NUP93: variants seen among roughly 807,000 people sequenced by gnomAD.
The protein encoded by NUP93 is nuclear pore complex protein Nup93.
Under a neutral mutation model 107.8 loss-of-function variants are expected in NUP93, and 55 were observed. That is an observed-to-expected ratio of 0.51 (90% confidence interval 0.41 to 0.64). The LOEUF (loss-of-function observed/expected upper bound fraction) is 0.64. Among genes scored for constraint, NUP93 ranks in the 30% least tolerant of loss-of-function variants. The pLI is 0.00. For missense variants in NUP93, 937 were observed against 1,044.7 expected, an observed-to-expected ratio of 0.90 and a Z score of 1.42; for synonymous variants, 390 against 397.5, an observed-to-expected ratio of 0.98 and a Z score of 0.22.
At chr16:56,815,881 C>CTGCTGCTGCTGCTGCTGCTGCTGG (rs1567402569) in intron 5 of NUP93, among the ~76,000 whole-genome samples, 24 of 103,994 alleles carry the variant, frequency 2.3e-4, no homozygotes, top group South Asian at 2.2e-3. Flanking sequence ...GCTGCTGCTG[C>CTGCTGCTGCTGCTGCTGCTGCTGG]TGCTGCTGCT....
intron 1 of NUP93, among the ~76,000 whole-genome samples, chr16:56,731,539 C>T (rs745620782): frequency 3.3e-5 from 5 of 152,036 alleles, no homozygotes; most frequent in Non-Finnish European, 7.4e-5. Flanking sequence ...TCCCAAGTAG[C>T]TGGGATTACA....
At chr16:56,802,752 A>T (rs1462722229) in intron 4 of NUP93, among the ~76,000 whole-genome samples, 3 of 152,350 alleles carry the variant, frequency 2.0e-5, no homozygotes, top group African/African-American at 7.2e-5. Flanking sequence ...TGTTGCCAAT[A>T]ATAAAGCAGG....
Position 56,831,824 on chromosome 16 carries a change from GT to G in NUP93, c.1086-16del. 1.9e-6 allele frequency: 3 copies of G among 1,612,414 alleles called. No individual in the cohort carries two copies. On this transcript the variant is annotated splice_polypyrimidine_tract_variant and intron_variant, in intron 10 of 21. Transcript: ENST00000308159. The stretch of plus-strand genomic sequence containing the variant: ...TTATTGAGTATGTATCTATCTGTCT[GT>G]TCCCTTATGTCTGTAGATTGTCCCC...
intron 5 of NUP93, among the ~76,000 whole-genome samples, chr16:56,815,494 A>G (rs1368396864): frequency 1.1e-4 from 17 of 152,244 alleles, no homozygotes; most frequent in Admixed American, 1.1e-3. Context: ...TGAGACTTTC[A>G]GCCTGCACAA....
At chr16:56,765,012 G>T (rs1962192381) in intron 3 of NUP93, among the ~76,000 whole-genome samples, 1 of 152,194 alleles carries the variant, frequency 6.6e-6, no homozygotes, top group South Asian at 2.1e-4. Context: ...GCATCTGTTT[G>T]CCTACTGATA....
intron 1 of NUP93, among the ~76,000 whole-genome samples, chr16:56,735,085 CAAAT>C (rs1435220372): frequency 1.3e-5 from 2 of 152,100 alleles, no homozygotes; most frequent in African/African-American, 4.8e-5. Flanking sequence ...TGATGTCGGG[CAAAT>C]AAATGAATGG....
chr16:56,834,133 C>T lies in NUP93; in HGVS notation c.1543C>T (p.His515Tyr). The change falls in exon 14 of 22, where the codon CAC (histidine) becomes TAC (tyrosine). Residue 515 changes from histidine (H) to tyrosine (Y), a missense_variant. Transcript: ENST00000308159. ...TTCTGACCCCCACAATGCAGTCAGCCACGAGCCTGGTGACCCTCCTTGCTT... is the reference window on the plus strand; with the variant it reads ...TTCTGACCCCCACAATGCAGTCAGCTACGAGCCTGGTGACCCTCCTTGCTT... The part of the protein sequence containing the change: ...SSGQSAQLLS[H>Y]EPGDPPCLRR... The T allele has an allele frequency of 6.2e-7, 1 of 1,614,142 alleles. No individual in the cohort carries two copies. The highest frequency in any genetic ancestry group is 2.2e-5 in the East Asian group (1 of 44,870).
At chr16:56,840,071 A>C (rs925147887) in intron 20 of NUP93, 10 of 169,638 alleles carry the variant, frequency 5.9e-5, no homozygotes, top group African/African-American at 2.4e-4. Context: ...CCCAGGCTGG[A>C]GTGCAGTGGT....
chr16:56,821,633 G>T, intron 7 of NUP93, 40 bp downstream of exon 7: 1 of 1,372,676 alleles, frequency 7.3e-7, no homozygotes, highest in South Asian at 1.2e-5. Flanking sequence ...CCGGGGTCCA[G>T]TGTTCCGATG....
At chr16:56,756,078 A>G (rs1962012819) in intron 2 of NUP93, among the ~76,000 whole-genome samples, 1 of 151,972 alleles carries the variant, frequency 6.6e-6, no homozygotes, top group Admixed American at 6.6e-5. Flanking sequence ...TCCTGAAGCT[A>G]CGTGATTCTA....
At chr16:56,832,463 A>G (rs1963815856) in intron 12 of NUP93, 75 bp downstream of exon 12, 6 of 1,177,930 alleles carry the variant, frequency 5.1e-6, no homozygotes, top group African/African-American at 1.5e-5. Flanking sequence ...CCTCTGGGAA[A>G]ATTTTTCATC....
Position 56,833,203 on chromosome 16 carries a change from C to T in NUP93, c.1346-12C>T, listed in dbSNP as rs759348037. On this transcript the variant is annotated splice_polypyrimidine_tract_variant and intron_variant, in intron 12 of 21. Coordinates refer to ENST00000308159, the MANE Select transcript of NUP93 (RefSeq NM_014669.5). ...AAGTTGGTTTTATCTCCTCTCCTCT[C>T]CTCTCTCCCAGGCGAGTCCCACTTT... The T allele has an allele frequency of 6.3e-7, 1 of 1,592,636 alleles. No individual in the cohort carries two copies.
chr16:56,803,382 A>G lies in NUP93; in HGVS notation c.361-2122A>G, dbSNP rs150183286. On this transcript the variant is annotated intron_variant, in intron 4 of 21. Transcript: ENST00000308159. ...TGGGAGGCTGAGGTGGGAAGGTGGC[A>G]TGAACTCAGGAGGCGGAGTTTGCAG... is the stretch of plus-strand genomic sequence containing the variant. Among the ~76,000 whole-genome samples, 352 of 152,180 alleles carry G rather than the reference A, an allele frequency of 2.3e-3. 2 individuals are homozygous for G. Among genetic ancestry groups the G allele is most frequent in the African/African-American group, 7.9e-3 (329 of 41,518 alleles).
intron 8 of NUP93, among the ~76,000 whole-genome samples, chr16:56,825,431 C>T (rs1428011942): frequency 6.6e-6 from 1 of 152,122 alleles, no homozygotes. Context: ...TCTTGAACTC[C>T]TGACCTCAGG....
At chr16:56,795,562 T>C (rs1306179371) in intron 3 of NUP93, among the ~76,000 whole-genome samples, 4 of 152,212 alleles carry the variant, frequency 2.6e-5, no homozygotes, top group Non-Finnish European at 5.9e-5. Flanking sequence ...ACCCCCGTTA[T>C]CAGTATATGT....
chr16:56,826,621 T>G (rs1180799894), intron 8 of NUP93, among the ~76,000 whole-genome samples: 1 of 152,082 alleles, frequency 6.6e-6, no homozygotes, highest in Non-Finnish European at 1.5e-5. Context: ...TATAGAAACT[T>G]TGGAAGATGC....
intron 3 of NUP93, among the ~76,000 whole-genome samples, chr16:56,789,285 C>G (rs924750579): frequency 1.3e-5 from 2 of 152,224 alleles, no homozygotes; most frequent in Non-Finnish European, 2.9e-5. Flanking sequence ...TTTGAATCAC[C>G]TTATGCACAT....
At chr16:56,762,777 T>C (rs1245290031) in intron 3 of NUP93, among the ~76,000 whole-genome samples, 1 of 152,130 alleles carries the variant, frequency 6.6e-6, no homozygotes, top group Non-Finnish European at 1.5e-5. Context: ...ACACTCTCCA[T>C]AGGCTCTAGG....
chr16:56,767,876 A>G (rs565556362), intron 3 of NUP93, among the ~76,000 whole-genome samples: 39 of 152,346 alleles, frequency 2.6e-4, no homozygotes, highest in African/African-American at 9.1e-4. Flanking sequence ...GAATGAATAT[A>G]GTGGTGGGTG....
Sources: allele counts gnomAD v4.1 joint callset (sites outside exome capture counted in the v4.1 genomes callset), GRCh38; gene constraint gnomAD v4.1.1; transcripts MANE v1.5; gene names NCBI Gene and HGNC (gene_info 2026-07-23, HGNC 2026-07-21).